VWA5B1: variants seen among roughly 807,000 people sequenced by gnomAD.
VWA5B1 encodes von Willebrand factor A domain containing 5B1.
VWA5B1 carries 115 observed loss-of-function variants against 118.2 expected under a neutral mutation model. The observed-to-expected ratio is 0.97, with a 90% CI of 0.84 to 1.14. The LOEUF (loss-of-function observed/expected upper bound fraction) is 1.14. Among genes scored for constraint, VWA5B1 ranks in the 50% most tolerant of loss-of-function variants. The pLI, the probability that VWA5B1 is intolerant of heterozygous loss-of-function variation, is 0.00. For missense variants in VWA5B1, 1,596 were observed against 1,603.8 expected, an observed-to-expected ratio of 1.00 and a Z score of 0.08; for synonymous variants, 682 against 658.4, an observed-to-expected ratio of 1.04 and a Z score of -0.55.
chr1:20,313,078 C>T, intron 3 of VWA5B1, 90 bp downstream of exon 3: 2 of 1,475,202 alleles, frequency 1.4e-6, no homozygotes, highest in Non-Finnish European at 1.8e-6. Flanking sequence ...GCAAGGATAG[C>T]AGTGGGATAT....
chr1:20,323,383 A>G lies in VWA5B1; in HGVS notation c.994A>G (p.Lys332Glu). ...AGAAATCATTCGAAAACGCCTCCAC[A>G]AAGACATTCCCCACCACTCCGTCAT... Reference protein sequence around the residue: ...KTEIIRKRLHKDIPHHSVIML... With the variant: ...KTEIIRKRLHEDIPHHSVIML... The change falls in exon 8 of 22, where the codon AAA (lysine) becomes GAA (glutamate). Residue 332 changes from lysine (K) to glutamate (E), a missense_variant. Transcript: ENST00000289815. The G allele has an allele frequency of 6.6e-7, 1 of 1,511,106 alleles. No homozygotes were observed. The highest frequency in any genetic ancestry group is 8.9e-7 in the Non-Finnish European group (1 of 1,129,420). The allele number at this position is 1,511,106 out of a possible 1,614,324, so 93.6% of individuals were successfully genotyped here. A position where few individuals can be genotyped will look rare whatever the true frequency, so the allele number is the denominator to read the frequency against.
In VWA5B1 at chr1:20,355,713, G is replaced by T. The variant is rs1412722872; in HGVS notation, c.*1450G>T. Among the ~76,000 whole-genome samples the T allele has an allele frequency of 6.6e-6, 1 of 152,216 alleles. No individual in the cohort carries two copies. Among genetic ancestry groups the T allele is most frequent in the Non-Finnish European group, 1.5e-5 (1 of 68,038 alleles). On this transcript the variant is annotated 3_prime_UTR_variant, in exon 22 of 22. Transcript: ENST00000289815. The stretch of plus-strand genomic sequence containing the variant: ...GAGGGGTGTGCAGCCTCCAGCAGGG[G>T]CTGGAGTCAGGGAGGAGGCTCCAGC...
rs1035693211 is a variant in VWA5B1, at chr1:20,343,313, AGACCTTCCACCACCTGGCG to A, written c.2548_2566del (p.Thr850ProfsTer28). The A allele has an allele frequency of 6.5e-7, 1 of 1,545,910 alleles. No homozygotes were observed. The highest frequency in any genetic ancestry group is 2.0e-5 in the Admixed American group (1 of 50,926). ...GCGCAGGATGCCGACCTATGGAGCG[AGACCTTCCACCACCTGGCG>A]GCCCGCGCCATCATCCGCGACTTCG... On this transcript the variant is annotated frameshift_variant, in exon 16 of 22. Transcript: ENST00000289815. LOFTEE classifies it high-confidence loss of function.
chr1:20,293,527 A>G (rs1371289532), intron 1 of VWA5B1, among the ~76,000 whole-genome samples: 4 of 151,384 alleles, frequency 2.6e-5, no homozygotes, highest in Admixed American at 2.6e-4. Context: ...CTACAACACA[A>G]CCTCCAGTGA....
intron 6 of VWA5B1, 73 bp downstream of exon 6, chr1:20,318,794 A>G: frequency 2.8e-6 from 4 of 1,415,402 alleles, no homozygotes; most frequent in Non-Finnish European, 3.7e-6. Context: ...GGGACAGAAC[A>G]TGTGGCCCCC....
chr1:20,292,572 T>A (rs2088332482), intron 1 of VWA5B1, among the ~76,000 whole-genome samples: 7 of 152,232 alleles, frequency 4.6e-5, no homozygotes, highest in Admixed American at 4.6e-4. Context: ...TTTACGTGTT[T>A]GTGGGTGCAT....
rs1196515661 is a variant in VWA5B1, at chr1:20,337,699, C to G, written c.1996C>G (p.His666Asp). 6.4e-7 allele frequency: 1 copy of G among 1,551,738 alleles called. No individual in the cohort carries two copies. Among genetic ancestry groups the G allele is most frequent in the Admixed American group, 2.0e-5 (1 of 51,012 alleles). The change falls in exon 14 of 22, where the codon CAC becomes GAC. Residue 666 changes from histidine to aspartate, a missense_variant. Coordinates refer to ENST00000289815, the MANE Select transcript of VWA5B1 (RefSeq NM_001039500.3). ...ATACAGCACCAACCAGATCACCAAT[C>G]ACAAGCCCCTCCCAAGAGCCACCAT... ...RAYSTNQITN[H>D]KPLPRATMAS...
At chr1:20,345,919 A>C (rs1246071039) in intron 17 of VWA5B1, among the ~76,000 whole-genome samples, 2 of 152,280 alleles carry the variant, frequency 1.3e-5, no homozygotes, top group African/African-American at 4.8e-5. Context: ...AATGTAAAAA[A>C]TAACTAAGAC....
intron 15 of VWA5B1, 54 bp from the exon 16 acceptor site, chr1:20,343,025 T>C (rs10916771): frequency 4.8e-6 from 7 of 1,464,786 alleles, no homozygotes; most frequent in Middle Eastern, 1.9e-4. Flanking sequence ...CCCCTGGGAG[T>C]TGGCCGTCTG....
At position 20,358,174 on chromosome 1, in the gene VWA5B1, G is replaced by C. The variant is rs2090262386; in HGVS notation, c.*3911G>C. 6.6e-6 allele frequency among the ~76,000 whole-genome samples: 1 copy of C among 152,180 alleles called. No individual in the cohort carries two copies. The highest frequency in any genetic ancestry group is 2.4e-5 in the African/African-American group (1 of 41,434). On this transcript the variant is annotated 3_prime_UTR_variant, in exon 22 of 22. Transcript: ENST00000289815. ...GGCATCCCCTAGCCTTCACTGACCTGAGCTGCCACTCACTGCCACTTGCTG... is the reference window on the plus strand; with the variant it reads ...GGCATCCCCTAGCCTTCACTGACCTCAGCTGCCACTCACTGCCACTTGCTG...
chr1:20,315,208 C>A (rs980777285), intron 4 of VWA5B1, among the ~76,000 whole-genome samples: 1 of 152,082 alleles, frequency 6.6e-6, no homozygotes, highest in Admixed American at 6.6e-5. Flanking sequence ...TTCTCGTGGG[C>A]GAAAGCAGCA....
chr1:20,327,325 A>G (rs1321647447), intron 8 of VWA5B1, among the ~76,000 whole-genome samples: 2 of 152,208 alleles, frequency 1.3e-5, no homozygotes, highest in Non-Finnish European at 2.9e-5. Flanking sequence ...GAAGTGATGC[A>G]TGTAAAGTAC....
Position 20,354,296 on chromosome 1 carries a change from G to A in VWA5B1, c.*33G>A, listed in dbSNP as rs2101032981. On this transcript the variant is annotated 3_prime_UTR_variant, in exon 22 of 22. Transcript: ENST00000289815. The stretch of plus-strand genomic sequence containing the variant: ...ACGGGGAGGCTGGGTGGAGGGAAGG[G>A]TGGGGAGGAGAGGGATGGGCAGGGC... 5 of 1,456,348 alleles carry A rather than the reference G, an allele frequency of 3.4e-6. No homozygotes were observed. Among genetic ancestry groups the A allele is most frequent in the Non-Finnish European group, 4.6e-6 (5 of 1,077,632 alleles). 90.2% of individuals were successfully genotyped at this position (1,456,348 alleles called of 1,614,324 possible). A position where few individuals can be genotyped will look rare whatever the true frequency, so the allele number is the denominator to read the frequency against.
intron 1 of VWA5B1, among the ~76,000 whole-genome samples, chr1:20,300,772 A>G (rs1441876482): frequency 2.0e-5 from 3 of 152,252 alleles, no homozygotes; most frequent in Non-Finnish European, 4.4e-5. Context: ...GCACCGTTCC[A>G]TGTGCTAAGA....
intron 1 of VWA5B1, among the ~76,000 whole-genome samples, chr1:20,293,872 T>A (rs1389927850): frequency 2.0e-5 from 3 of 152,036 alleles, no homozygotes; most frequent in Admixed American, 2.0e-4. Flanking sequence ...GAGGAAGCAA[T>A]GGATGGATGT....
intron 7 of VWA5B1, 54 bp downstream of exon 7, chr1:20,319,560 G>T: frequency 6.5e-7 from 1 of 1,546,714 alleles, no homozygotes. Flanking sequence ...GTGGCGCTGA[G>T]GCCTGGTCTC....
chr1:20,314,637 CAG>C, intron 4 of VWA5B1, 45 bp downstream of exon 4: 1 of 1,538,654 alleles, frequency 6.5e-7, no homozygotes, highest in Non-Finnish European at 8.8e-7. Flanking sequence ...AGGTGGGCAG[CAG>C]AGAGTGCGTC....
chr1:20,326,570 A>G (rs772987065), intron 8 of VWA5B1, among the ~76,000 whole-genome samples: 1 of 152,022 alleles, frequency 6.6e-6, no homozygotes, highest in Admixed American at 6.6e-5. Flanking sequence ...GGTTCAAGCA[A>G]TTCTCCTGAT....
chr1:20,341,630 AT>A (rs112202576), intron 14 of VWA5B1, among the ~76,000 whole-genome samples: 12 of 152,332 alleles, frequency 7.9e-5, no homozygotes, highest in African/African-American at 2.6e-4. Context: ...ACATTATTCT[AT>A]TAAGTTAGTC....
Sources: allele counts gnomAD v4.1 joint callset (sites outside exome capture counted in the v4.1 genomes callset), GRCh38; gene constraint gnomAD v4.1.1; transcripts MANE v1.5; gene names NCBI Gene and HGNC (gene_info 2026-07-23, HGNC 2026-07-21).